KHDRBS2: variants seen among roughly 807,000 people sequenced by gnomAD.
The protein encoded by KHDRBS2 is KH domain-containing, RNA-binding, signal transduction-associated protein 2.
A neutral mutation model predicts 44.3 loss-of-function variants in KHDRBS2; 26 were observed. The observed-to-expected ratio is 0.59, with a 90% confidence interval of 0.43 to 0.81. The LOEUF (loss-of-function observed/expected upper bound fraction) is 0.81, where lower values mean the gene tolerates loss of function less well. KHDRBS2 is among the 40% of genes least tolerant of loss of function. The pLI, the probability that KHDRBS2 is intolerant of heterozygous loss-of-function variation, is 0.00. For missense variants in KHDRBS2, 476 were observed against 433.1 expected, an observed-to-expected ratio of 1.10 and a Z score of -0.88; for synonymous variants, 194 against 151.1, an observed-to-expected ratio of 1.28 and a Z score of -2.08.
chr6:61,956,487 C>CT (rs1562524885), intron 4 of KHDRBS2, among the ~76,000 whole-genome samples: 3 of 152,178 alleles, frequency 2.0e-5, no homozygotes, highest in African/African-American at 4.8e-5. Flanking sequence ...GCCAGTACAT[C>CT]TTTTTTTACT....
At chr6:61,769,972 C>A (rs1209028441) in intron 6 of KHDRBS2, among the ~76,000 whole-genome samples, 2 of 152,152 alleles carry the variant, frequency 1.3e-5, no homozygotes, top group African/African-American at 2.4e-5. Flanking sequence ...CGGCTGTGTA[C>A]TCCTCTGAGA....
chr6:62,141,741 G>T lies in KHDRBS2; in HGVS notation c.219+35444C>A, dbSNP rs145868358. Among the ~76,000 whole-genome samples, 543 of 152,004 alleles carry T rather than the reference G, an allele frequency of 3.6e-3. 1 individual carries two copies. Among genetic ancestry groups the T allele is most frequent in the African/African-American group, 0.013 (527 of 41,472 alleles). Reference sequence around the variant, plus strand: ...TTACTCTATCCTAAGTATTACTCAGGCCCTTACTAATGAAAAGGGTAAGTG... The same window carrying T: ...TTACTCTATCCTAAGTATTACTCAGTCCCTTACTAATGAAAAGGGTAAGTG... On this transcript the variant is annotated intron_variant, in intron 2 of 8. Coordinates refer to ENST00000281156, the MANE Select transcript of KHDRBS2 (RefSeq NM_152688.4).
the KHDRBS2 span, among the ~76,000 whole-genome samples, chr6:61,654,556 T>G: frequency 6.6e-6 from 1 of 151,560 alleles, no homozygotes; most frequent in South Asian, 2.1e-4. Flanking sequence ...GAAAATAGGG[T>G]TCAGTTGAAG....
At chr6:61,741,317 A>G (rs1776105945) in intron 6 of KHDRBS2, among the ~76,000 whole-genome samples, 1 of 151,996 alleles carries the variant, frequency 6.6e-6, no homozygotes, top group Non-Finnish European at 1.5e-5. Context: ...GTACTAGTTT[A>G]TGGAGCCTAA....
At chr6:61,556,046 G>T in the KHDRBS2 span, among the ~76,000 whole-genome samples, 32 of 152,182 alleles carry the variant, frequency 2.1e-4, no homozygotes, top group African/African-American at 7.2e-4. Context: ...TTGTCACCTG[G>T]GGCCACTGGT....
At chr6:62,065,373 G>A (rs1254515240) in intron 2 of KHDRBS2, among the ~76,000 whole-genome samples, 5 of 151,336 alleles carry the variant, frequency 3.3e-5, no homozygotes, top group African/African-American at 1.2e-4. Context: ...GCAAAGACTT[G>A]GAACCAACCC....
intron 2 of KHDRBS2, among the ~76,000 whole-genome samples, chr6:62,107,764 G>C (rs1023362617): frequency 6.6e-6 from 1 of 152,122 alleles, no homozygotes. Flanking sequence ...CAAGGGAACA[G>C]AACAGAGCTC....
At chr6:61,911,268 T>G (rs998117000) in intron 4 of KHDRBS2, among the ~76,000 whole-genome samples, 1 of 152,194 alleles carries the variant, frequency 6.6e-6, no homozygotes, top group African/African-American at 2.4e-5. Context: ...TGAAGGAGTT[T>G]TGCTAAATAA....
At chr6:61,701,505 C>G (rs1768658284) in intron 7 of KHDRBS2, among the ~76,000 whole-genome samples, 1 of 151,848 alleles carries the variant, frequency 6.6e-6, no homozygotes, top group South Asian at 2.1e-4. Flanking sequence ...CAAACATACA[C>G]CAGAAGAAAG....
At chr6:62,067,496 CCT>C (rs549474489) in intron 2 of KHDRBS2, among the ~76,000 whole-genome samples, 94 of 151,452 alleles carry the variant, frequency 6.2e-4, no homozygotes, top group African/African-American at 2.2e-3. Flanking sequence ...CAGTCATGTA[CCT>C]CTACAGATGA....
intron 4 of KHDRBS2, among the ~76,000 whole-genome samples, chr6:61,952,989 T>G (rs1028741790): frequency 2.8e-4 from 42 of 152,092 alleles, no homozygotes; most frequent in African/African-American, 9.6e-4. Context: ...AACTTACTCT[T>G]TTTGTTATAT....
intron 3 of KHDRBS2, among the ~76,000 whole-genome samples, chr6:61,988,636 T>C (rs1007686973): frequency 7.2e-5 from 11 of 152,168 alleles, no homozygotes; most frequent in African/African-American, 2.7e-4. Context: ...GTAAGTGTAC[T>C]AGTTCTCCCT....
At chr6:62,012,930 T>A (rs1289735866) in intron 3 of KHDRBS2, among the ~76,000 whole-genome samples, 1 of 152,194 alleles carries the variant, frequency 6.6e-6, no homozygotes, top group Non-Finnish European at 1.5e-5. Context: ...CAGAGATGTT[T>A]GTCTTGTTCA....
At chr6:61,731,827 T>C (rs1774505273) in intron 7 of KHDRBS2, among the ~76,000 whole-genome samples, 1 of 152,100 alleles carries the variant, frequency 6.6e-6, no homozygotes, top group African/African-American at 2.4e-5. Flanking sequence ...TAAAAATGCA[T>C]TTGTTTTACA....
At chr6:62,073,825 T>C (rs1449179222) in intron 2 of KHDRBS2, among the ~76,000 whole-genome samples, 1 of 151,684 alleles carries the variant, frequency 6.6e-6, no homozygotes, top group Admixed American at 6.6e-5. Context: ...TCGACATTAG[T>C]TGTCAACAAT....
intron 1 of KHDRBS2, among the ~76,000 whole-genome samples, chr6:62,225,037 C>T (rs1831524788): frequency 6.6e-6 from 1 of 152,152 alleles, no homozygotes; most frequent in African/African-American, 2.4e-5. Context: ...GAGCACTTGG[C>T]ACTGTCTGAA....
chr6:61,783,899 T>G (rs1374344191), intron 6 of KHDRBS2, among the ~76,000 whole-genome samples: 6 of 152,008 alleles, frequency 3.9e-5, no homozygotes, highest in Admixed American at 1.3e-4. Flanking sequence ...TGTTAAAGAT[T>G]ACTTGATAAT....
intron 1 of KHDRBS2, among the ~76,000 whole-genome samples, chr6:62,190,178 C>G: frequency 6.6e-6 from 1 of 152,132 alleles, no homozygotes; most frequent in Non-Finnish European, 1.5e-5. Flanking sequence ...CAGAAAGTAT[C>G]TTAAGAAAAA....
chr6:61,901,666 A>G (rs911812314), intron 4 of KHDRBS2, among the ~76,000 whole-genome samples: 28 of 152,224 alleles, frequency 1.8e-4, no homozygotes, highest in African/African-American at 6.3e-4. Flanking sequence ...GAAGATAGCA[A>G]CATAAAATGA....
Sources: gnomAD v4.1 joint callset for allele counts (sites outside exome capture counted in the v4.1 genomes callset) on GRCh38, gnomAD v4.1.1 for gene constraint, MANE v1.5 for transcripts, NCBI Gene and HGNC (gene_info 2026-07-23, HGNC 2026-07-21) for gene names.